ST6GALNAC5: variants seen among roughly 807,000 people sequenced by gnomAD.
The protein encoded by ST6GALNAC5 is alpha-N-acetylgalactosaminide alpha-2,6-sialyltransferase 5.
Under a neutral mutation model 33.6 loss-of-function variants are expected in ST6GALNAC5, and 27 were observed. That is an observed-to-expected ratio of 0.80 (90% CI 0.59 to 1.11). The LOEUF is 1.11. Ranked by LOEUF, ST6GALNAC5 falls within the 50% of genes least tolerant of loss-of-function variation. The probability of loss-of-function intolerance (pLI) is 0.00; values close to 1 mark genes in which losing one functional copy is unlikely to be tolerated. For missense variants in ST6GALNAC5, 428 were observed against 454.0 expected, an observed-to-expected ratio of 0.94 and a Z score of 0.52; for synonymous variants, 194 against 171.2, an observed-to-expected ratio of 1.13 and a Z score of -1.04.
chr1:77,029,325 G>A (rs1651365375), intron 2 of ST6GALNAC5, among the ~76,000 whole-genome samples: 1 of 152,148 alleles, frequency 6.6e-6, no homozygotes, highest in African/African-American at 2.4e-5. Context: ...GACAGCTTTT[G>A]TCTTGTTCAC....
chr1:76,870,525 T>A (rs891350794), intron 2 of ST6GALNAC5, among the ~76,000 whole-genome samples: 5 of 152,224 alleles, frequency 3.3e-5, no homozygotes, highest in African/African-American at 1.2e-4. Flanking sequence ...TATAATAACC[T>A]AATGCTTATG....
At position 77,044,304 on chromosome 1, in the gene ST6GALNAC5, T is replaced by C; in HGVS notation, c.362T>C (p.Ile121Thr). 1 of 1,613,930 alleles carries C rather than the reference T, an allele frequency of 6.2e-7. No individual in the cohort carries two copies. The highest frequency in any genetic ancestry group is 8.5e-7 in the Non-Finnish European group (1 of 1,180,012). Residue 121 changes from isoleucine (I) to threonine (T), a missense_variant, in exon 3 of 5, where the codon ATC becomes ACC. By Grantham distance (89) the Ile-to-Thr change is moderately conservative. Transcript: ENST00000477717. ...GSQIDQTECV[I>T]RMNDAPTRGY... is the part of the protein sequence containing the mutation. The stretch of plus-strand genomic sequence containing the variant: ...CAGATTGACCAGACAGAGTGTGTCA[T>C]CCGCATGAATGACGCCCCCACACGC...
chr1:76,930,714 A>G lies in ST6GALNAC5; in HGVS notation c.261+61972A>G, dbSNP rs150556881. On this transcript the variant is annotated intron_variant, in intron 2 of 4. Transcript: ENST00000477717. ...CTAACATATGAAAACTCAAGCTTCT[A>G]TGTTACAGAGTGGATTCTTTGGATC... is the stretch of plus-strand genomic sequence containing the variant. 2.8e-4 allele frequency among the ~76,000 whole-genome samples: 42 copies of G among 152,260 alleles called. No individual in the cohort carries two copies. In the East Asian group the frequency reaches 5.2e-3, roughly 19 times the overall value.
At chr1:76,915,085 G>GA (rs1646955888) in intron 2 of ST6GALNAC5, among the ~76,000 whole-genome samples, 1 of 151,984 alleles carries the variant, frequency 6.6e-6, no homozygotes, top group Non-Finnish European at 1.5e-5. Flanking sequence ...AAAGACACAT[G>GA]AAAAAAATGC....
In ST6GALNAC5 at chr1:76,868,855, T is replaced by C. The variant is rs897793110; in HGVS notation, c.261+113T>C. The C allele has an allele frequency of 2.8e-5, 40 of 1,406,582 alleles. No individual in the cohort carries two copies. In the African/African-American group the frequency reaches 5.6e-4, roughly 20 times the overall value. 87.1% of individuals were successfully genotyped at this position (1,406,582 alleles called of 1,614,324 possible). ...CTGTGAGTAGGTGCCGTTCGAAGGC[T>C]GGAGGGGAGTGGACCCGCTGGGGTA... On this transcript the variant is annotated intron_variant, in intron 2 of 4. Transcript: ENST00000477717. The surrounding 1 kb of genome is among the most constrained non-coding windows in gnomAD (Gnocchi z 4.3).
chr1:76,994,436 C>T (rs1649848280), intron 2 of ST6GALNAC5, among the ~76,000 whole-genome samples: 1 of 152,064 alleles, frequency 6.6e-6, no homozygotes, highest in Non-Finnish European at 1.5e-5. Context: ...AATGACATAG[C>T]CTGGGATAAG....
Position 76,911,703 on chromosome 1 carries a change from T to C in ST6GALNAC5, c.261+42961T>C, listed in dbSNP as rs551134865. Among the ~76,000 whole-genome samples the C allele has an allele frequency of 6.6e-5, 10 of 152,354 alleles. No homozygotes were observed. In the East Asian group the frequency reaches 1.7e-3, roughly 26 times the overall value. On this transcript the variant is annotated intron_variant, in intron 2 of 4. Coordinates refer to ENST00000477717, the MANE Select transcript of ST6GALNAC5 (RefSeq NM_030965.3). ...GTATGTGTTGAGGAATTTATCCATT[T>C]CTTCTAGATTTTCTAGTTTATTTGC... is the stretch of plus-strand genomic sequence containing the variant.
chr1:76,939,141 G>T (rs191544855), intron 2 of ST6GALNAC5, among the ~76,000 whole-genome samples: 2 of 152,124 alleles, frequency 1.3e-5, no homozygotes, highest in African/African-American at 2.4e-5. Flanking sequence ...AACTCTAATG[G>T]GATGGATTGC....
At chr1:76,950,571 T>C (rs779095504) in intron 2 of ST6GALNAC5, among the ~76,000 whole-genome samples, 14 of 152,052 alleles carry the variant, frequency 9.2e-5, no homozygotes, top group Non-Finnish European at 1.5e-4. Flanking sequence ...GATAGTAATG[T>C]ATAACCTAAG....
intron 2 of ST6GALNAC5, among the ~76,000 whole-genome samples, chr1:76,982,909 C>A (rs1649316544): frequency 6.6e-6 from 1 of 151,932 alleles, no homozygotes; most frequent in African/African-American, 2.4e-5. Context: ...TCCAGCCAAA[C>A]AAAGCTTCAT....
At chr1:76,898,774 T>C (rs1646784904) in intron 2 of ST6GALNAC5, among the ~76,000 whole-genome samples, 1 of 151,748 alleles carries the variant, frequency 6.6e-6, no homozygotes, top group African/African-American at 2.4e-5. Flanking sequence ...GGACTGGGTG[T>C]GAGGAGGGGA....
chr1:77,024,196 C>A (rs543154725), intron 2 of ST6GALNAC5, among the ~76,000 whole-genome samples: 2 of 152,304 alleles, frequency 1.3e-5, no homozygotes, highest in East Asian at 3.9e-4. Context: ...AGACCTTGTA[C>A]TTTTCTTTCA....
chr1:77,049,956 G>T (rs1652165734), intron 3 of ST6GALNAC5, among the ~76,000 whole-genome samples: 1 of 152,188 alleles, frequency 6.6e-6, no homozygotes, highest in South Asian at 2.1e-4. Context: ...AAATTGAGTT[G>T]TGGTAACATA....
At chr1:76,976,829 T>A (rs1300801067) in intron 2 of ST6GALNAC5, among the ~76,000 whole-genome samples, 1 of 143,488 alleles carries the variant, frequency 7.0e-6, no homozygotes, top group Non-Finnish European at 1.5e-5. Flanking sequence ...AGTTTTGGGA[T>A]TTTTTTTTAA....
At chr1:76,900,511 A>G (rs973149132) in intron 2 of ST6GALNAC5, among the ~76,000 whole-genome samples, 2 of 152,224 alleles carry the variant, frequency 1.3e-5, no homozygotes, top group Admixed American at 1.3e-4. Context: ...GAATTAAAAT[A>G]TACTTTTGCA....
At chr1:76,870,533 A>G (rs1020951093) in intron 2 of ST6GALNAC5, among the ~76,000 whole-genome samples, 1 of 152,218 alleles carries the variant, frequency 6.6e-6, no homozygotes, top group Non-Finnish European at 1.5e-5. Context: ...CCTAATGCTT[A>G]TGTTCAAAAC....
chr1:77,060,368 GA>G (rs541385310), intron 4 of ST6GALNAC5, among the ~76,000 whole-genome samples: 38 of 152,192 alleles, frequency 2.5e-4, no homozygotes, highest in African/African-American at 7.9e-4. Context: ...GGTGAAGGAA[GA>G]AAAAAACTAG....
rs371237652 is a variant in ST6GALNAC5, at chr1:77,063,063, C to T, written c.868C>T (p.Arg290Cys). 217 of 1,613,760 alleles carry T rather than the reference C, an allele frequency of 1.3e-4. No individual in the cohort carries two copies. Among genetic ancestry groups the T allele is most frequent in the Non-Finnish European group, 1.6e-4 (192 of 1,179,920 alleles). The change falls in exon 5 of 5, where the codon CGC (arginine) becomes TGC (cysteine). Residue 290 changes from arginine (R) to cysteine (C), a missense_variant. Physicochemically the swap from Arg to Cys is radical, Grantham distance 180 (BLOSUM62 -3). Coordinates refer to ENST00000477717, the MANE Select transcript of ST6GALNAC5 (RefSeq NM_030965.3). ...CTMYLSHERG[R>C]KGSHHRFITE... ...AATGTACCTCTCCCATGAGCGAGGA[C>T]GCAAGGGCAGTCATCACCGCTTTAT... is the stretch of plus-strand genomic sequence containing the variant.
At chr1:76,881,701 T>A (rs2100923331) in intron 2 of ST6GALNAC5, among the ~76,000 whole-genome samples, 1 of 152,340 alleles carries the variant, frequency 6.6e-6, no homozygotes, top group South Asian at 2.1e-4. Context: ...AAAATAAGCC[T>A]ACCTCAAGAG....
Sources: allele counts gnomAD v4.1 joint callset (sites outside exome capture counted in the v4.1 genomes callset), GRCh38; gene constraint gnomAD v4.1.1; non-coding constraint Gnocchi (gnomAD v3.1); transcripts MANE v1.5; gene names NCBI Gene and HGNC (gene_info 2026-07-23, HGNC 2026-07-21).